TSKS: variants seen among roughly 807,000 people sequenced by gnomAD.
TSKS encodes testis-specific serine kinase substrate.
A neutral mutation model predicts 68.0 loss-of-function variants in TSKS; 27 were observed. The ratio of observed to expected loss-of-function variants is 0.40; its 90% confidence interval spans 0.29 to 0.55. The LOEUF (loss-of-function observed/expected upper bound fraction) is 0.55. Among genes scored for constraint, TSKS ranks in the 20% least tolerant of loss-of-function variants. TSKS has a pLI of 0.53. For synonymous variants in TSKS, 331 were observed against 340.4 expected (o/e 0.97, Z 0.30); for missense variants, 806 against 776.0 (o/e 1.04, Z -0.46).
rs2123607508 is a variant in TSKS, at chr19:49,746,492, A to G, written c.970T>C (p.Phe324Leu). 1 of 1,613,894 alleles carries G rather than the reference A, an allele frequency of 6.2e-7. No individual in the cohort carries two copies. Among genetic ancestry groups the G allele is most frequent in the Non-Finnish European group, 8.5e-7 (1 of 1,179,914 alleles). ...YVSEQELQKL[F>L]TGIEELRREV... is the part of the protein sequence containing the mutation. ...CACCTCAGCTCTTCGATGCCGGTGA[A>G]CAGCTTCTGCAATTCCTGCTCGCTC... is the stretch of plus-strand genomic sequence containing the variant. Residue 324 changes from phenylalanine (F) to leucine (L), a missense_variant, in exon 6 of 11, where the codon TTC becomes CTC. Coordinates refer to ENST00000246801, the MANE Select transcript of TSKS (RefSeq NM_021733.2).
chr19:49,749,640 TG>T (rs897596229), intron 2 of TSKS, among the ~76,000 whole-genome samples: 1 of 151,304 alleles, frequency 6.6e-6, no homozygotes, highest in Non-Finnish European at 1.5e-5. Context: ...TGTGTGTGTG[TG>T]GGGGGTCTCT....
intron 2 of TSKS, among the ~76,000 whole-genome samples, chr19:49,759,279 G>T (rs2084419685): frequency 6.6e-6 from 1 of 151,364 alleles, no homozygotes; most frequent in South Asian, 2.1e-4. Context: ...GACCATCCTG[G>T]CCAACATGGT....
chr19:49,762,429 T>C lies in TSKS; in HGVS notation c.171-197A>G, dbSNP rs183255539. 8.0e-3 allele frequency among the ~76,000 whole-genome samples: 1,184 copies of C among 148,630 alleles called. 8 individuals are homozygous for C. Among genetic ancestry groups the C allele is most frequent in the South Asian group, 0.014 (65 of 4,694 alleles). ...TTCTTTCTTTTTTCTTTCTTTCTTT[T>C]TTTTTTTTTTTTGAGACAGAGTCTC... is the stretch of plus-strand genomic sequence containing the variant. On this transcript the variant is annotated intron_variant, in intron 1 of 10. Coordinates refer to ENST00000246801, the MANE Select transcript of TSKS (RefSeq NM_021733.2).
At position 49,739,794 on chromosome 19, in the gene TSKS, G is replaced by T; in HGVS notation, c.1761C>A (p.Gly587=). 6.7e-7 allele frequency: 1 copy of T among 1,486,984 alleles called. No homozygotes were observed. Among genetic ancestry groups the T allele is most frequent in the Non-Finnish European group, 9.4e-7 (1 of 1,068,126 alleles). The allele number at this position is 1,486,984 out of a possible 1,614,324, so 92.1% of individuals were successfully genotyped here. ...AGGCCATTTATTGTTCAGGGGCTGA[G>T]CCCCCCTGTTTTGGGGGGGTTCCTG... is the stretch of plus-strand genomic sequence containing the variant. ...SSAGTPPKQG[G]SAPEQ The change falls in exon 11 of 11, where the codon GGC becomes GGA. Residue 587 remains glycine (G), a synonymous_variant. Transcript: ENST00000246801.
At chr19:49,745,826 T>C (rs780745253) in intron 6 of TSKS, among the ~76,000 whole-genome samples, 3 of 152,116 alleles carry the variant, frequency 2.0e-5, no homozygotes, top group Non-Finnish European at 4.4e-5. Flanking sequence ...CCTCCCTTGC[T>C]CAGGTCACTG....
chr19:49,761,175 C>G (rs2084437487), intron 2 of TSKS, among the ~76,000 whole-genome samples: 1 of 152,078 alleles, frequency 6.6e-6, no homozygotes, highest in African/African-American at 2.4e-5. Flanking sequence ...AACCAGGGCT[C>G]CCTGAACATA....
chr19:49,742,387 G>A (rs899091668), intron 8 of TSKS, among the ~76,000 whole-genome samples: 3 of 152,116 alleles, frequency 2.0e-5, no homozygotes, highest in Non-Finnish European at 2.9e-5. Context: ...TAGTAGAGAC[G>A]GGGTTTCACC....
At position 49,741,485 on chromosome 19, in the gene TSKS, AC is replaced by A. The variant is rs774701868; in HGVS notation, c.1497+399del. 5.9e-5 allele frequency among the ~76,000 whole-genome samples: 9 copies of A among 152,210 alleles called. 1 individual carries two copies. The highest frequency in any genetic ancestry group is 3.3e-4 in the Admixed American group (5 of 15,280). ...CATCAGCTAACTGGGGCCTACAGTC[AC>A]TGGGTCTCCTATTTTACCTCAATAT... is the stretch of plus-strand genomic sequence containing the variant. On this transcript the variant is annotated intron_variant, in intron 9 of 10. Coordinates refer to ENST00000246801, the MANE Select transcript of TSKS (RefSeq NM_021733.2).
Position 49,746,461 on chromosome 19 carries a change from C to T in TSKS, c.992+9G>A, listed in dbSNP as rs772843050. Reference sequence around the variant, plus strand: ...CGTTTTCGAGGCTCCGCCCCTAGGTCCCGCCCACCTCAGCTCTTCGATGCC... The same window carrying T: ...CGTTTTCGAGGCTCCGCCCCTAGGTTCCGCCCACCTCAGCTCTTCGATGCC... On this transcript the variant is annotated intron_variant, in intron 6 of 10. Transcript: ENST00000246801. 2 of 1,613,676 alleles carry T rather than the reference C, an allele frequency of 1.2e-6. No individual in the cohort carries two copies. The highest frequency in any genetic ancestry group is 1.3e-5 in the African/African-American group (1 of 75,046).
Position 49,763,279 on chromosome 19 carries a change from C to A in TSKS, c.-32G>T, listed in dbSNP as rs1320651320. On this transcript the variant is annotated 5_prime_UTR_variant, in exon 1 of 11. Transcript: ENST00000246801. This position sits in a 1 kb window ranked among gnomAD's most constrained non-coding sequence, Gnocchi z 4.5. ...GGGGTCTGGCTCCCAGGGAGGGGCT[C>A]CTTCCTCTGAGACTTCCTACCTACT... is the stretch of plus-strand genomic sequence containing the variant. 1.4e-6 allele frequency: 2 copies of A among 1,476,858 alleles called. No homozygotes were observed. The highest frequency in any genetic ancestry group is 2.9e-5 in the African/African-American group (2 of 69,286). The allele number at this position is 1,476,858 out of a possible 1,614,324, so 91.5% of individuals were successfully genotyped here. A position where few individuals can be genotyped will look rare whatever the true frequency, so the allele number is the denominator to read the frequency against.
chr19:49,741,597 G>T (rs1465524846), intron 9 of TSKS, among the ~76,000 whole-genome samples: 1 of 152,096 alleles, frequency 6.6e-6, no homozygotes, highest in Non-Finnish European at 1.5e-5. Context: ...GCTTTAGACT[G>T]GTGTCTGTCT....
intron 2 of TSKS, among the ~76,000 whole-genome samples, chr19:49,749,249 A>G (rs543761473): frequency 1.3e-5 from 2 of 152,178 alleles, no homozygotes; most frequent in South Asian, 4.1e-4. Context: ...TATTTGGCCT[A>G]TTTTACAAGT....
Position 49,748,103 on chromosome 19 carries a change from C to G in TSKS, c.561G>C (p.Gly187=). 1.9e-6 allele frequency: 3 copies of G among 1,614,118 alleles called. No homozygotes were observed. The highest frequency in any genetic ancestry group is 2.5e-6 in the Non-Finnish European group (3 of 1,179,976). The change falls in exon 4 of 11, where the codon GGG becomes GGC. Residue 187 remains glycine (G), a synonymous_variant. Coordinates refer to ENST00000246801, the MANE Select transcript of TSKS (RefSeq NM_021733.2). ...RRRQEAEELE[G]YCIQLKENCW... ...GGCTCACCTTGAGTTGAATGCAGTA[C>G]CCCTCCAACTCTTCTGCCTCTTGCC... is the stretch of plus-strand genomic sequence containing the variant.
At chr19:49,749,539 G>A (rs935415911) in intron 2 of TSKS, among the ~76,000 whole-genome samples, 1 of 152,060 alleles carries the variant, frequency 6.6e-6, no homozygotes, top group Non-Finnish European at 1.5e-5. Flanking sequence ...CATTTCCCAG[G>A]TTTCCTTGCA....
intron 1 of TSKS, 111 bp from the exon 2 acceptor site, chr19:49,762,343 TAA>T: frequency 2.7e-6 from 2 of 731,252 alleles, no homozygotes; most frequent in Non-Finnish European, 4.5e-6. Flanking sequence ...TCACTGTATA[TAA>T]GTTTCTCCCT....
intron 2 of TSKS, among the ~76,000 whole-genome samples, chr19:49,760,041 C>T (rs1316036911): frequency 6.6e-6 from 1 of 151,780 alleles, no homozygotes; most frequent in African/African-American, 2.4e-5. Context: ...ATCCCAGCTA[C>T]TTGGAAGGCT....
Position 49,745,330 on chromosome 19 carries a change from C to G in TSKS, c.1059G>C (p.Arg353=), listed in dbSNP as rs771790525. 16 of 1,601,712 alleles carry G rather than the reference C, an allele frequency of 1.0e-5. No individual in the cohort carries two copies. The East Asian group carries it at 3.6e-4, about 36-fold the overall frequency. The change falls in exon 7 of 11, where the codon CGG becomes CGC. Residue 353 remains arginine, a synonymous_variant. Transcript: ENST00000246801. The stretch of plus-strand genomic sequence containing the variant: ...CCCTGCCGCCCAGGCCCCCGAGCAG[C>G]CGCAGGGCTTCCTGCACCGCCCCCT... ...QEEGAVQEAL[R]LLGGLGGRVD...
At chr19:49,758,450 G>A (rs562577828) in intron 2 of TSKS, among the ~76,000 whole-genome samples, 143 of 152,206 alleles carry the variant, frequency 9.4e-4, no homozygotes, top group Non-Finnish European at 1.8e-3. Context: ...GCTGCCTGGG[G>A]TACTTTCTCA....
intron 8 of TSKS, 64 bp downstream of exon 8, chr19:49,744,167 T>A: frequency 6.5e-7 from 1 of 1,540,596 alleles, no homozygotes; most frequent in Non-Finnish European, 8.9e-7. Flanking sequence ...ATGTCCCATC[T>A]CCTTCCGCAT....
Sources: allele counts gnomAD v4.1 joint callset (sites outside exome capture counted in the v4.1 genomes callset), GRCh38; gene constraint gnomAD v4.1.1; non-coding constraint Gnocchi (gnomAD v3.1); transcripts MANE v1.5; gene names NCBI Gene and HGNC (gene_info 2026-07-23, HGNC 2026-07-21).